KCNK2: variants seen among roughly 807,000 people sequenced by gnomAD.
KCNK2 encodes the protein potassium channel subfamily K member 2.
KCNK2 carries 21 observed loss-of-function variants against 40.5 expected under a neutral mutation model. The observed-to-expected ratio is 0.52, with a 90% CI of 0.37 to 0.75. The LOEUF is 0.75. Among genes scored for constraint, KCNK2 ranks in the 30% least tolerant of loss-of-function variants. The pLI, the probability that KCNK2 is intolerant of heterozygous loss-of-function variation, is 0.00. For missense variants in KCNK2, 399 were observed against 531.6 expected, an observed-to-expected ratio of 0.75 and a Z score of 2.45; for synonymous variants, 191 against 202.2, an observed-to-expected ratio of 0.94 and a Z score of 0.47.
intron 1 of KCNK2, among the ~76,000 whole-genome samples, chr1:215,007,321 G>T (rs1304436584): frequency 1.3e-5 from 2 of 148,620 alleles, no homozygotes; most frequent in African/African-American, 5.0e-5. Flanking sequence ...GCTGAGGGTT[G>T]ATGGGTTGGA....
chr1:215,018,051 T>C (rs1367961807), intron 1 of KCNK2, among the ~76,000 whole-genome samples: 1 of 152,154 alleles, frequency 6.6e-6, no homozygotes, highest in African/African-American at 2.4e-5. Context: ...TTTATATAAA[T>C]TGCATATGCA....
At chr1:215,124,546 A>T (rs1661332776) in intron 2 of KCNK2, 87 bp from the exon 3 acceptor site, 1 of 807,766 alleles carries the variant, frequency 1.2e-6, no homozygotes, top group African/African-American at 1.7e-5. Flanking sequence ...CTCTTTGTCA[A>T]ATAAGTCATT....
chr1:215,224,156 G>A (rs957263759), intron 6 of KCNK2, among the ~76,000 whole-genome samples: 2 of 152,098 alleles, frequency 1.3e-5, no homozygotes, highest in African/African-American at 4.8e-5. Flanking sequence ...TCATGCAACA[G>A]CATTATCTAA....
At chr1:215,148,080 C>CTT (rs756218432) in intron 3 of KCNK2, among the ~76,000 whole-genome samples, 12 of 111,176 alleles carry the variant, frequency 1.1e-4, no homozygotes, top group South Asian at 3.0e-4. Flanking sequence ...TTTTCTTTTC[C>CTT]TTTTTTTTTT....
At chr1:215,186,843 A>G (rs1261433567) in intron 5 of KCNK2, among the ~76,000 whole-genome samples, 1 of 152,220 alleles carries the variant, frequency 6.6e-6, no homozygotes, top group African/African-American at 2.4e-5. Flanking sequence ...ATCTGTAGAC[A>G]CTTTTATTTG....
intron 2 of KCNK2, among the ~76,000 whole-genome samples, chr1:215,093,778 T>TATAAAA (rs1558087903): frequency 0.041 from 523 of 12,812 alleles, 18 homozygotes; most frequent in African/African-American, 0.099. Flanking sequence ...TAAAATATAT[T>TATAAAA]ATATATTATA....
In KCNK2 at chr1:215,086,519, C is replaced by T. The variant is rs1571895381; in HGVS notation, c.198C>T (p.Phe66=). The T allele has an allele frequency of 1.2e-6, 2 of 1,614,070 alleles. No homozygotes were observed. The highest frequency in any genetic ancestry group is 1.7e-6 in the Non-Finnish European group (2 of 1,180,042). Residue 66 remains phenylalanine (F), a synonymous_variant, in exon 2 of 7, where the codon TTC becomes TTT. Transcript: ENST00000444842. ...VMKWKTVSTI[F]LVVVLYLIIG... ...AATGGAAGACGGTCTCCACGATATT[C>T]CTGGTGGTTGTCCTCTATCTGATCA...
In KCNK2 at chr1:215,083,074, C is replaced by A; in HGVS notation, c.-312C>A. On this transcript the variant is annotated 5_prime_UTR_variant, in exon 1 of 7. Transcript: ENST00000444842. ...GGTCGCCCGCGCTCTCCGGGTGACC[C>A]GGGCCCGGCAGCAGGCGCGCGCGGG... 1 of 352,680 alleles carries A rather than the reference C, an allele frequency of 2.8e-6. No homozygotes were observed. The highest frequency in any genetic ancestry group is 5.5e-5 in the South Asian group (1 of 18,050). 21.8% of individuals were successfully genotyped at this position (352,680 alleles called of 1,614,324 possible).
At chr1:215,123,414 T>A (rs1661281581) in intron 2 of KCNK2, among the ~76,000 whole-genome samples, 1 of 151,892 alleles carries the variant, frequency 6.6e-6, no homozygotes, top group Admixed American at 6.6e-5. Context: ...TTTTTTTTTT[T>A]TACAAAGATC....
rs1661400832 is a variant in KCNK2 at position 215,125,770 on chromosome 1, AT to A, written c.475+1021del. 3.1e-4 allele frequency among the ~76,000 whole-genome samples: 12 copies of A among 38,796 alleles called. 1 individual carries two copies. The highest frequency in any genetic ancestry group is 2.1e-3 in the South Asian group (4 of 1,874). The allele number at this position is 38,796 out of a possible 152,430, so 25.5% of individuals were successfully genotyped here. Reference sequence around the variant, plus strand: ...TATATATATATATATATATATATATATATATATAAAATAAAATTTGAAAAAA... The same window carrying A: ...TATATATATATATATATATATATATAATATATAAAATAAAATTTGAAAAAA... On this transcript the variant is annotated intron_variant, in intron 3 of 6. Coordinates refer to ENST00000444842, the MANE Select transcript of KCNK2 (RefSeq NM_001017425.3).
At chr1:215,011,550 C>T (rs1394967868) in intron 1 of KCNK2, among the ~76,000 whole-genome samples, 1 of 152,138 alleles carries the variant, frequency 6.6e-6, no homozygotes, top group African/African-American at 2.4e-5. Context: ...CCTCAGCCTC[C>T]CAGAGTGCTG....
intron 5 of KCNK2, among the ~76,000 whole-genome samples, chr1:215,173,940 A>C (rs1254595239): frequency 6.6e-6 from 1 of 152,262 alleles, no homozygotes; most frequent in African/African-American, 2.4e-5. Flanking sequence ...CTCTGATGGT[A>C]GTTTCTTTTG....
At chr1:215,141,689 C>A (rs1662179164) in intron 3 of KCNK2, among the ~76,000 whole-genome samples, 1 of 152,018 alleles carries the variant, frequency 6.6e-6, no homozygotes, top group African/African-American at 2.4e-5. Context: ...CTTTTCCTAC[C>A]ACAACTCTAT....
intron 5 of KCNK2, among the ~76,000 whole-genome samples, chr1:215,179,932 ATCTT>A (rs1257539727): frequency 6.6e-6 from 1 of 151,980 alleles, no homozygotes; most frequent in Non-Finnish European, 1.5e-5. Context: ...TGCCTTGATG[ATCTT>A]TCTAATGCTG....
At chr1:215,153,842 G>T (rs1662794453) in intron 3 of KCNK2, among the ~76,000 whole-genome samples, 1 of 151,934 alleles carries the variant, frequency 6.6e-6, no homozygotes, top group Non-Finnish European at 1.5e-5. Context: ...GTGAGAACAT[G>T]TGTTTGGTTT....
chr1:215,099,892 T>C (rs985174445), intron 2 of KCNK2, among the ~76,000 whole-genome samples: 1 of 152,016 alleles, frequency 6.6e-6, no homozygotes, highest in Non-Finnish European at 1.5e-5. Context: ...ATGTTCCCAT[T>C]GGGAAAATAA....
intron 1 of KCNK2, among the ~76,000 whole-genome samples, chr1:215,011,959 T>C (rs1656414035): frequency 6.6e-6 from 1 of 151,994 alleles, no homozygotes; most frequent in Admixed American, 6.6e-5. Context: ...ATCCTTCTTG[T>C]TGTTGTTGTG....
At chr1:215,194,636 T>C (rs1664790798) in intron 5 of KCNK2, among the ~76,000 whole-genome samples, 1 of 152,152 alleles carries the variant, frequency 6.6e-6, no homozygotes, top group East Asian at 1.9e-4. Flanking sequence ...AGAAACTTAG[T>C]ACACATAGAA....
At chr1:215,228,565 C>T (rs759599176) in intron 6 of KCNK2, among the ~76,000 whole-genome samples, 10 of 152,252 alleles carry the variant, frequency 6.6e-5, no homozygotes, top group Non-Finnish European at 1.3e-4. Flanking sequence ...CCTGTAGGAA[C>T]ATTCATTGTG....
Sources: gnomAD v4.1 joint callset for allele counts (sites outside exome capture counted in the v4.1 genomes callset) on GRCh38, gnomAD v4.1.1 for gene constraint, MANE v1.5 for transcripts, NCBI Gene and HGNC (gene_info 2026-07-23, HGNC 2026-07-21) for gene names.